Variants in SLC14A2 observed in about 807,000 individuals in gnomAD.
The protein encoded by SLC14A2 is urea transporter 2.
SLC14A2 carries 91 observed loss-of-function variants against 104.6 expected under a neutral mutation model. The ratio of observed to expected loss-of-function variants is 0.87; its 90% CI spans 0.73 to 1.04. SLC14A2 has a LOEUF of 1.04. SLC14A2 is among the 50% of genes least tolerant of loss of function. The pLI is 0.00. For synonymous variants in SLC14A2, 476 were observed against 466.4 expected (o/e 1.02, Z -0.27); for missense variants, 1,189 against 1,156.0 (o/e 1.03, Z -0.41).
chr18:45,422,295 A>G (rs932293790), intron 1 of SLC14A2, among the ~76,000 whole-genome samples: 11 of 152,220 alleles, frequency 7.2e-5, no homozygotes, highest in African/African-American at 2.4e-4. Flanking sequence ...GAAGGTCCCA[A>G]TAAAGGTGTG....
At chr18:45,573,618 T>C (rs2044379747) in intron 2 of SLC14A2, among the ~76,000 whole-genome samples, 1 of 152,182 alleles carries the variant, frequency 6.6e-6, no homozygotes, top group Non-Finnish European at 1.5e-5. Flanking sequence ...TCATTAAAAA[T>C]GGCAGAGAAA....
chr18:45,445,158 C>T (rs1020528768), intron 1 of SLC14A2, among the ~76,000 whole-genome samples: 12 of 138,280 alleles, frequency 8.7e-5, no homozygotes, highest in Admixed American at 4.1e-4. Context: ...GTTCCCCAGG[C>T]TGAAGTGCAG....
chr18:45,252,789 T>G, intron 1 of SLC14A2, among the ~76,000 whole-genome samples: 1 of 144,204 alleles, frequency 6.9e-6, no homozygotes, highest in Non-Finnish European at 1.5e-5. Flanking sequence ...ATAGCAATAT[T>G]GACTTTTTTT....
At chr18:45,385,207 C>T (rs2085881837) in intron 1 of SLC14A2, among the ~76,000 whole-genome samples, 2 of 152,224 alleles carry the variant, frequency 1.3e-5, no homozygotes, top group Non-Finnish European at 2.9e-5. Flanking sequence ...CAGACATTAT[C>T]TTAAAGTACA....
the SLC14A2 span, among the ~76,000 whole-genome samples, chr18:45,187,728 G>A: frequency 6.6e-6 from 1 of 151,526 alleles, no homozygotes; most frequent in African/African-American, 2.4e-5. Context: ...TCTATGTTCT[G>A]CTAATTACTC....
chr18:45,541,942 A>G (rs1167345331), intron 2 of SLC14A2, among the ~76,000 whole-genome samples: 1 of 151,380 alleles, frequency 6.6e-6, no homozygotes, highest in Non-Finnish European at 1.5e-5. Context: ...TAATGTTGAA[A>G]GACAGAGACC....
chr18:45,230,503 A>T (rs1392543328), intron 1 of SLC14A2, among the ~76,000 whole-genome samples: 1 of 152,220 alleles, frequency 6.6e-6, no homozygotes, highest in African/African-American at 2.4e-5. Flanking sequence ...CAGCCAGGAA[A>T]GATTTCTGTG....
chr18:45,656,381 A>G (rs923073), intron 10 of SLC14A2, among the ~76,000 whole-genome samples: 114,242 of 152,106 alleles, frequency 0.75, 43,829 homozygotes, highest in Non-Finnish European at 0.83. Context: ...AAAAGGGTGA[A>G]GCTTGATGAA....
At chr18:45,378,406 G>A (rs1448131185) in intron 1 of SLC14A2, among the ~76,000 whole-genome samples, 2 of 152,146 alleles carry the variant, frequency 1.3e-5, no homozygotes, top group African/African-American at 4.8e-5. Context: ...AATTGAGCTT[G>A]GATGGCCATC....
intron 6 of SLC14A2, among the ~76,000 whole-genome samples, chr18:45,638,712 G>A (rs899760495): frequency 1.3e-5 from 2 of 152,200 alleles, no homozygotes; most frequent in Admixed American, 1.3e-4. Context: ...TGGGCATAAA[G>A]GGCCCTGTCC....
intron 1 of SLC14A2, among the ~76,000 whole-genome samples, chr18:45,275,438 T>G (rs548828832): frequency 2.0e-5 from 3 of 152,324 alleles, no homozygotes; most frequent in African/African-American, 7.2e-5. Context: ...GTTACTCACC[T>G]TCCTCTTTTC....
chr18:45,544,776 T>C (rs886835006), intron 2 of SLC14A2, among the ~76,000 whole-genome samples: 3 of 148,996 alleles, frequency 2.0e-5, no homozygotes. Flanking sequence ...TATATATTTA[T>C]CAATAATGTC....
intron 1 of SLC14A2, among the ~76,000 whole-genome samples, chr18:45,464,353 G>C (rs570036410): frequency 2.0e-5 from 3 of 152,324 alleles, no homozygotes; most frequent in East Asian, 3.9e-4. Flanking sequence ...ACCTCTGAGA[G>C]AGAGTGTGTC....
intron 1 of SLC14A2, among the ~76,000 whole-genome samples, chr18:45,342,971 T>C (rs2085410807): frequency 2.6e-5 from 4 of 152,160 alleles, no homozygotes; most frequent in Admixed American, 2.0e-4. Context: ...CTTTCTTTGA[T>C]ACCTGGATTA....
chr18:45,431,121 C>T (rs1338333084), intron 1 of SLC14A2, among the ~76,000 whole-genome samples: 1 of 152,154 alleles, frequency 6.6e-6, no homozygotes, highest in Non-Finnish European at 1.5e-5. Context: ...GGGGTAATTA[C>T]ACAAGGTTTA....
At position 45,641,347 on chromosome 18, in the gene SLC14A2, G is replaced by A; in HGVS notation, c.1126+4G>A. ...CACCTGCTGGCCCTCATCTGTGGTA[G>A]GTGTTCAGAAAAGCTGACAACCAGG... On this transcript the variant is annotated splice_donor_region_variant and intron_variant, in intron 8 of 19. Coordinates refer to ENST00000255226, the MANE Select transcript of SLC14A2 (RefSeq NM_007163.4). The A allele has an allele frequency of 1.2e-6, 2 of 1,614,154 alleles. No homozygotes were observed. Among genetic ancestry groups the A allele is most frequent in the East Asian group, 2.2e-5 (1 of 44,888 alleles).
At chr18:45,381,595 T>A (rs2085835855) in intron 1 of SLC14A2, among the ~76,000 whole-genome samples, 1 of 152,216 alleles carries the variant, frequency 6.6e-6, no homozygotes, top group Admixed American at 6.5e-5. Context: ...TGGGCATAGT[T>A]TTTGTTGATC....
At chr18:45,648,280 A>ACTGCAAG (rs1392356616) in intron 10 of SLC14A2, among the ~76,000 whole-genome samples, 4 of 139,832 alleles carry the variant, frequency 2.9e-5, no homozygotes, top group African/African-American at 1.1e-4. Flanking sequence ...ATCTGGGCTC[A>ACTGCAAG]CTGCAAGCTC....
In SLC14A2 at chr18:45,472,727, G is replaced by GT. The variant is rs577993328; in HGVS notation, c.-124-10499dup. Reference sequence around the variant, plus strand: ...CGCCCATTTTTTGATGGGGTTGTGTGTTTTTTTCTTCTTAATTTGTTTAAG... The same window carrying GT: ...CGCCCATTTTTTGATGGGGTTGTGTGTTTTTTTTCTTCTTAATTTGTTTAAG... On this transcript the variant is annotated intron_variant, in intron 1 of 20. Transcript: ENST00000586448. Among the ~76,000 whole-genome samples, 11 of 152,174 alleles carry GT rather than the reference G, an allele frequency of 7.2e-5. No individual in the cohort carries two copies. In the East Asian group the frequency reaches 1.7e-3, roughly 24 times the overall value.
Sources: allele counts gnomAD v4.1 joint callset (sites outside exome capture counted in the v4.1 genomes callset), GRCh38; gene constraint gnomAD v4.1.1; transcripts MANE v1.5; gene names NCBI Gene and HGNC (gene_info 2026-07-23, HGNC 2026-07-21).